SH3GL3: variants seen among roughly 807,000 people sequenced by gnomAD.
SH3GL3 encodes the protein SH3 domain containing GRB2 like 3, endophilin A3, also known as endophilin-A3.
SH3GL3 carries 33 observed loss-of-function variants against 47.7 expected under a neutral mutation model. That is an observed-to-expected ratio of 0.69 (90% CI 0.52 to 0.92). The LOEUF (loss-of-function observed/expected upper bound fraction) is 0.92. Among genes scored for constraint, SH3GL3 ranks in the 40% least tolerant of loss-of-function variants. The probability of loss-of-function intolerance (pLI) is 0.00; values close to 1 mark genes in which losing one functional copy is unlikely to be tolerated. For missense variants in SH3GL3, 363 were observed against 417.8 expected, an observed-to-expected ratio of 0.87 and a Z score of 1.14; for synonymous variants, 155 against 148.8, an observed-to-expected ratio of 1.04 and a Z score of -0.30.
intron 1 of SH3GL3, among the ~76,000 whole-genome samples, chr15:83,467,819 T>A (rs1021127801): frequency 6.6e-6 from 1 of 152,114 alleles, no homozygotes. Flanking sequence ...TATTGTATTT[T>A]CTTTTCTTTT....
chr15:83,541,335 T>TTTTTG, intron 1 of SH3GL3, among the ~76,000 whole-genome samples: 1 of 94,410 alleles, frequency 1.1e-5, no homozygotes, highest in African/African-American at 4.6e-5. Flanking sequence ...TTTTTTTTTT[T>TTTTTG]TTTTTTTTTT....
intron 6 of SH3GL3, among the ~76,000 whole-genome samples, chr15:83,584,214 G>A (rs188151090): frequency 1.3e-5 from 2 of 152,158 alleles, no homozygotes; most frequent in East Asian, 3.9e-4. Context: ...ACAGCCAGCG[G>A]CACAGCATCT....
At chr15:83,519,512 T>C (rs931191888) in intron 1 of SH3GL3, among the ~76,000 whole-genome samples, 2 of 152,196 alleles carry the variant, frequency 1.3e-5, no homozygotes, top group African/African-American at 4.8e-5. Flanking sequence ...TGCGCATTGA[T>C]TTTGTATTCT....
At chr15:83,512,616 G>A (rs893543922) in intron 1 of SH3GL3, among the ~76,000 whole-genome samples, 10 of 152,088 alleles carry the variant, frequency 6.6e-5, no homozygotes, top group African/African-American at 2.4e-4. Context: ...AACAAAAGGC[G>A]CCAGAGTGGT....
intron 8 of SH3GL3, among the ~76,000 whole-genome samples, chr15:83,603,024 T>C (rs1410257404): frequency 1.3e-5 from 2 of 151,952 alleles, no homozygotes. Context: ...TTTTTTGAGA[T>C]AGTCTTGCCC....
At chr15:83,619,989 C>T (rs2060908265), downstream of SH3GL3, among the ~76,000 whole-genome samples, 1 of 152,200 alleles carries the variant, frequency 6.6e-6, no homozygotes, top group African/African-American at 2.4e-5. Context: ...GTTGCCATTA[C>T]AATAATGTTC....
intron 1 of SH3GL3, among the ~76,000 whole-genome samples, chr15:83,510,857 C>T (rs991850529): frequency 1.3e-5 from 2 of 151,798 alleles, no homozygotes; most frequent in Admixed American, 6.6e-5. Flanking sequence ...GCATATCCAC[C>T]GCCAAGCAGG....
At chr15:83,472,997 C>T (rs2040900428) in intron 1 of SH3GL3, among the ~76,000 whole-genome samples, 1 of 152,156 alleles carries the variant, frequency 6.6e-6, no homozygotes, top group Admixed American at 6.5e-5. Context: ...GATAACAAAG[C>T]ACTCCTACCC....
chr15:83,563,968 A>T (rs1461727650), intron 2 of SH3GL3, among the ~76,000 whole-genome samples: 2 of 151,950 alleles, frequency 1.3e-5, no homozygotes, highest in African/African-American at 2.4e-5. Flanking sequence ...TTTAAATGGG[A>T]GTTTAGAATA....
At chr15:83,607,840 AAATAATAATAAT>A (rs60113695) in intron 8 of SH3GL3, among the ~76,000 whole-genome samples, 417 of 142,926 alleles carry the variant, frequency 2.9e-3, no homozygotes, top group African/African-American at 9.1e-3. Flanking sequence ...TCAGAGTGGC[AAATAATAATAAT>A]AATAATAATA....
chr15:83,512,436 T>G (rs940866044), intron 1 of SH3GL3, among the ~76,000 whole-genome samples: 2 of 152,210 alleles, frequency 1.3e-5, no homozygotes, highest in African/African-American at 4.8e-5. Flanking sequence ...GTCTCTTAAG[T>G]GCCTGTGGTA....
intron 8 of SH3GL3, among the ~76,000 whole-genome samples, chr15:83,613,832 C>T (rs992609959): frequency 6.6e-6 from 1 of 152,058 alleles, no homozygotes; most frequent in Non-Finnish European, 1.5e-5. Context: ...GGGGCCAGGC[C>T]ATTATGACCT....
intron 4 of SH3GL3, among the ~76,000 whole-genome samples, chr15:83,569,909 T>C (rs1471653275): frequency 6.6e-6 from 1 of 152,214 alleles, no homozygotes; most frequent in Non-Finnish European, 1.5e-5. Context: ...TATTTGCTCA[T>C]TGGCTGTCTT....
intron 8 of SH3GL3, among the ~76,000 whole-genome samples, chr15:83,615,147 A>G (rs2060781436): frequency 6.6e-6 from 1 of 152,178 alleles, no homozygotes; most frequent in Admixed American, 6.5e-5. Context: ...TTAATACTCA[A>G]AGAAAAAAAG....
intron 1 of SH3GL3, among the ~76,000 whole-genome samples, chr15:83,467,180 C>T (rs1212229215): frequency 2.0e-5 from 3 of 152,214 alleles, no homozygotes. Context: ...TTATGTTTTA[C>T]ATTTTAGTCT....
intron 1 of SH3GL3, among the ~76,000 whole-genome samples, chr15:83,460,662 G>A (rs1001789940): frequency 6.6e-6 from 1 of 152,130 alleles, no homozygotes; most frequent in Non-Finnish European, 1.5e-5. Context: ...AATAAGTGAT[G>A]TTCATCTTTA....
At chr15:83,594,258 G>C (rs937872326) in intron 8 of SH3GL3, among the ~76,000 whole-genome samples, 1 of 152,150 alleles carries the variant, frequency 6.6e-6, no homozygotes, top group Non-Finnish European at 1.5e-5. Context: ...TTATTTTTTA[G>C]TTTTAGTTTG....
At chr15:83,470,622 A>G (rs928979624) in intron 1 of SH3GL3, among the ~76,000 whole-genome samples, 1 of 152,200 alleles carries the variant, frequency 6.6e-6, no homozygotes, top group African/African-American at 2.4e-5. Context: ...GACCACTTAC[A>G]TTTAATGTAA....
intron 8 of SH3GL3, among the ~76,000 whole-genome samples, chr15:83,590,890 G>A (rs568530014): frequency 2.6e-5 from 4 of 151,920 alleles, no homozygotes; most frequent in African/African-American, 9.7e-5. Flanking sequence ...CTCTTAATAG[G>A]GTCTTTCACA....
Sources: gnomAD v4.1 joint callset for allele counts (sites outside exome capture counted in the v4.1 genomes callset) on GRCh38, gnomAD v4.1.1 for gene constraint, MANE v1.5 for transcripts, NCBI Gene and HGNC (gene_info 2026-07-23, HGNC 2026-07-21) for gene names.